Variants in EPC2 observed in about 807,000 individuals in gnomAD.
The protein encoded by EPC2 is enhancer of polycomb 2.
EPC2 carries 14 observed loss-of-function variants against 92.1 expected under a neutral mutation model. That is an observed-to-expected ratio of 0.15 (90% CI 0.10 to 0.24). The LOEUF is 0.24. EPC2 is among the 10% of genes least tolerant of loss of function. The probability of loss-of-function intolerance (pLI) is 1.00; values close to 1 mark genes in which losing one functional copy is unlikely to be tolerated. For missense variants in EPC2, 755 were observed against 971.5 expected (o/e 0.78, Z 2.96); for synonymous variants, 340 against 334.7 (o/e 1.02, Z -0.17).
At chr2:148,739,527 T>C (rs1682832204) in intron 2 of EPC2, among the ~76,000 whole-genome samples, 1 of 152,178 alleles carries the variant, frequency 6.6e-6, no homozygotes, top group African/African-American at 2.4e-5. Context: ...TTAGAAGTAA[T>C]ATTTGCTTTA....
intron 2 of EPC2, among the ~76,000 whole-genome samples, chr2:148,710,766 T>C (rs1169250359): frequency 1.3e-5 from 2 of 152,094 alleles, no homozygotes; most frequent in African/African-American, 4.8e-5. Context: ...AAACACCGCA[T>C]GTTCTCACTC....
chr2:148,694,881 C>T (rs1396499254), intron 2 of EPC2, among the ~76,000 whole-genome samples: 1 of 152,130 alleles, frequency 6.6e-6, no homozygotes, highest in Non-Finnish European at 1.5e-5. Context: ...TAAGCAATTC[C>T]TCTGCCTCAG....
At chr2:148,738,758 A>C (rs1213651140) in intron 2 of EPC2, among the ~76,000 whole-genome samples, 1 of 152,214 alleles carries the variant, frequency 6.6e-6, no homozygotes, top group Non-Finnish European at 1.5e-5. Flanking sequence ...GCAAGAAATA[A>C]CATTCCTTTC....
intron 1 of EPC2, among the ~76,000 whole-genome samples, chr2:148,671,280 G>A (rs944170423): frequency 2.1e-5 from 3 of 146,052 alleles, no homozygotes; most frequent in South Asian, 2.1e-4. Context: ...CTCTATTGTG[G>A]ATTGTGATTT....
intron 2 of EPC2, among the ~76,000 whole-genome samples, chr2:148,694,808 A>C (rs1193677799): frequency 6.6e-6 from 1 of 152,174 alleles, no homozygotes; most frequent in Non-Finnish European, 1.5e-5. Context: ...TCTGTTGCCC[A>C]GGCTGGAGTG....
Position 148,690,734 on chromosome 2 carries a change from C to T in EPC2, c.313+361C>T, listed in dbSNP as rs367790274. Among the ~76,000 whole-genome samples, 56 of 152,104 alleles carry T rather than the reference C, an allele frequency of 3.7e-4. 1 individual carries two copies. The East Asian group carries it at 6.0e-3, about 16-fold the overall frequency. On this transcript the variant is annotated intron_variant, in intron 2 of 13. Transcript: ENST00000258484. The stretch of plus-strand genomic sequence containing the variant: ...CTGGAGTGCAGTGGCATGATCTTGG[C>T]TCACTGCAACCTCTGCCTTCTGGGT...
At chr2:148,726,177 G>A (rs1682490741) in intron 2 of EPC2, among the ~76,000 whole-genome samples, 1 of 152,108 alleles carries the variant, frequency 6.6e-6, no homozygotes, top group African/African-American at 2.4e-5. Flanking sequence ...GTACCATACT[G>A]TTTTTATCAA....
intron 1 of EPC2, among the ~76,000 whole-genome samples, chr2:148,646,399 T>G (rs759714114): frequency 4.6e-5 from 7 of 152,200 alleles, no homozygotes; most frequent in Non-Finnish European, 1.0e-4. Flanking sequence ...AGTCTTACAT[T>G]TTCAGTAGAA....
At chr2:148,757,658 A>C (rs1006168052) in intron 4 of EPC2, among the ~76,000 whole-genome samples, 4 of 151,876 alleles carry the variant, frequency 2.6e-5, no homozygotes, top group Admixed American at 2.6e-4. Context: ...ACCAACGTGG[A>C]GAAACCTCAT....
chr2:148,784,238 A>G (rs1424472068), intron 12 of EPC2, among the ~76,000 whole-genome samples: 2 of 152,130 alleles, frequency 1.3e-5, no homozygotes, highest in Non-Finnish European at 2.9e-5. Context: ...CTGAGTCCGC[A>G]AAGACTTGTT....
chr2:148,769,331 G>A, intron 8 of EPC2, 91 bp downstream of exon 8: 4 of 855,766 alleles, frequency 4.7e-6, no homozygotes. Context: ...CTAAAAATGG[G>A]AAATGCATCA....
At chr2:148,675,226 T>C (rs1438981494) in intron 1 of EPC2, among the ~76,000 whole-genome samples, 1 of 152,166 alleles carries the variant, frequency 6.6e-6, no homozygotes, top group East Asian at 1.9e-4. Flanking sequence ...TTTTCTTCCA[T>C]TTATGAGTAA....
chr2:148,763,717 G>A (rs1284347546), intron 6 of EPC2, among the ~76,000 whole-genome samples: 1 of 152,136 alleles, frequency 6.6e-6, no homozygotes, highest in East Asian at 1.9e-4. Flanking sequence ...CCACCATCCT[G>A]ATTCTCTCTA....
chr2:148,715,195 G>C lies in EPC2; in HGVS notation c.313+24822G>C, dbSNP rs557937175. Among the ~76,000 whole-genome samples the C allele has an allele frequency of 2.0e-5, 3 of 151,986 alleles. No individual in the cohort carries two copies. The South Asian group carries it at 6.2e-4, about 32-fold the overall frequency. On this transcript the variant is annotated intron_variant, in intron 2 of 13. Transcript: ENST00000258484. ...ACTACAGGCACGTGCCACCGCACCC[G>C]GCTACTTCTTTGTATTTTTAATAGA...
At chr2:148,718,776 T>C (rs1558819362) in intron 2 of EPC2, among the ~76,000 whole-genome samples, 1 of 152,190 alleles carries the variant, frequency 6.6e-6, no homozygotes, top group South Asian at 2.1e-4. Flanking sequence ...TGAATTTGAA[T>C]GTTGGCCTGT....
chr2:148,684,335 G>T (rs1681470307), intron 1 of EPC2, among the ~76,000 whole-genome samples: 1 of 152,076 alleles, frequency 6.6e-6, no homozygotes, highest in African/African-American at 2.4e-5. Flanking sequence ...TATTTCTTTT[G>T]CTGTGCAGAA....
chr2:148,660,573 G>GTT (rs946123889), intron 1 of EPC2, among the ~76,000 whole-genome samples: 22 of 143,600 alleles, frequency 1.5e-4, no homozygotes, highest in African/African-American at 4.8e-4. Context: ...ATCAGTCAGA[G>GTT]TTTTTTTTTT....
intron 2 of EPC2, among the ~76,000 whole-genome samples, chr2:148,737,142 G>A (rs546478663): frequency 1.3e-5 from 2 of 152,142 alleles, no homozygotes; most frequent in East Asian, 3.9e-4. Context: ...TTTGTTGATC[G>A]ATTGATTTTT....
At chr2:148,770,612 T>G (rs1370700973) in intron 8 of EPC2, among the ~76,000 whole-genome samples, 180 bp from the exon 9 acceptor site, 1 of 152,212 alleles carries the variant, frequency 6.6e-6, no homozygotes, top group Non-Finnish European at 1.5e-5. Context: ...AACTTTTGAT[T>G]CAATTTTGTA....
Sources: gnomAD v4.1 joint callset for allele counts (sites outside exome capture counted in the v4.1 genomes callset) on GRCh38, gnomAD v4.1.1 for gene constraint, MANE v1.5 for transcripts, NCBI Gene and HGNC (gene_info 2026-07-23, HGNC 2026-07-21) for gene names.